CEP170: variants seen among roughly 807,000 people sequenced by gnomAD.
CEP170 encodes centrosomal protein 170.
In CEP170, 21 loss-of-function variants were observed where a neutral mutation model predicts 151.9. The ratio of observed to expected loss-of-function variants is 0.14; its 90% CI spans 0.10 to 0.20. The LOEUF is 0.20. Ranked by LOEUF, CEP170 falls within the 10% of genes least tolerant of loss-of-function variation. The pLI, the probability that CEP170 is intolerant of heterozygous loss-of-function variation, is 1.00. For missense variants in CEP170, 964 were observed against 1,892.9 expected (o/e 0.51, Z 9.11); for synonymous variants, 356 against 648.8 (o/e 0.55, Z 6.86).
At chr1:243,136,692 T>C (rs2055121399) in intron 16 of CEP170, among the ~76,000 whole-genome samples, 1 of 152,278 alleles carries the variant, frequency 6.6e-6, no homozygotes, top group South Asian at 2.1e-4. Context: ...AGATACATTT[T>C]GAAAAATTTA....
At chr1:243,190,482 G>T (rs2060241235) in intron 8 of CEP170, among the ~76,000 whole-genome samples, 1 of 151,828 alleles carries the variant, frequency 6.6e-6, no homozygotes, top group African/African-American at 2.4e-5. Flanking sequence ...TTTAAAACTG[G>T]ATTAATAGAT....
At chr1:243,183,098 T>G (rs1204783988) in intron 10 of CEP170, among the ~76,000 whole-genome samples, 5 of 151,988 alleles carry the variant, frequency 3.3e-5, no homozygotes, top group Non-Finnish European at 7.4e-5. Flanking sequence ...AAAGTCTTGG[T>G]TTTTGTCTGT....
chr1:243,246,841 T>C (rs1180507570), intron 1 of CEP170, among the ~76,000 whole-genome samples: 1 of 152,200 alleles, frequency 6.6e-6, no homozygotes, highest in African/African-American at 2.4e-5. Flanking sequence ...GCATTTTTTA[T>C]CCAAGGAGAA....
Position 243,199,515 on chromosome 1 carries a change from G to C in CEP170, c.497-321C>G, listed in dbSNP as rs1263953293. Among the ~76,000 whole-genome samples, 3 of 152,010 alleles carry C rather than the reference G, an allele frequency of 2.0e-5. No homozygotes were observed. The East Asian group carries it at 5.8e-4, about 29-fold the overall frequency. On this transcript the variant is annotated intron_variant, in intron 6 of 19. Coordinates refer to ENST00000366542, the MANE Select transcript of CEP170 (RefSeq NM_014812.3). ...GCTTGTAACAAATGGCATTTTACTT[G>C]AATTTAGACAGAAAGTGACCTCAGA...
intron 7 of CEP170, among the ~76,000 whole-genome samples, chr1:243,195,877 A>G (rs900638549): frequency 6.6e-6 from 1 of 151,922 alleles, no homozygotes; most frequent in Non-Finnish European, 1.5e-5. Context: ...TCATACTAAC[A>G]TAAGAAAGCA....
In CEP170 at chr1:243,146,166, T is replaced by A. The variant is rs556714113; in HGVS notation, c.3912-3703A>T. ...AAGAATGATATGAATTAGCTTTTAA[T>A]CCTTGTATAAATTATGAACTCGTTT... On this transcript the variant is annotated intron_variant, in intron 14 of 19. Transcript: ENST00000366542. Among the ~76,000 whole-genome samples, 5 of 152,346 alleles carry A rather than the reference T, an allele frequency of 3.3e-5. No individual in the cohort carries two copies. The South Asian group carries it at 8.3e-4, about 25-fold the overall frequency.
At chr1:243,195,709 T>TA (rs764725504) in intron 7 of CEP170, among the ~76,000 whole-genome samples, 1 of 152,116 alleles carries the variant, frequency 6.6e-6, no homozygotes. Flanking sequence ...AAAAATACCT[T>TA]AATTTCAAAA....
chr1:243,180,086 T>C (rs2059524805), intron 10 of CEP170, among the ~76,000 whole-genome samples: 1 of 152,134 alleles, frequency 6.6e-6, no homozygotes, highest in South Asian at 2.1e-4. Flanking sequence ...CATTTAAAAA[T>C]TGCTAAGACG....
chr1:243,184,305 C>T (rs2059806936), intron 10 of CEP170, among the ~76,000 whole-genome samples: 1 of 151,976 alleles, frequency 6.6e-6, no homozygotes, highest in Non-Finnish European at 1.5e-5. Context: ...TATATTTAAT[C>T]CCAGATCTGT....
Position 243,128,346 on chromosome 1 carries a change from G to A in CEP170, c.4414-46C>T, listed in dbSNP as rs1446994310. The A allele has an allele frequency of 2.6e-6, 4 of 1,514,578 alleles. 1 individual carries two copies. The South Asian group carries it at 5.1e-5, about 19-fold the overall frequency. The allele number at this position is 1,514,578 out of a possible 1,614,324, so 93.8% of individuals were successfully genotyped here. A position where few individuals can be genotyped will look rare whatever the true frequency, so the allele number is the denominator to read the frequency against. On this transcript the variant is annotated intron_variant, in intron 18 of 19. Coordinates refer to ENST00000366542, the MANE Select transcript of CEP170 (RefSeq NM_014812.3). ...AAAATTAGCCTACTTTTAGCTAAATGTTATCACTTTACAAGCAATGAATTT... is the reference window on the plus strand; with the variant it reads ...AAAATTAGCCTACTTTTAGCTAAATATTATCACTTTACAAGCAATGAATTT...
intron 16 of CEP170, among the ~76,000 whole-genome samples, chr1:243,138,209 A>G (rs1354345211): frequency 6.6e-6 from 1 of 152,220 alleles, no homozygotes; most frequent in Non-Finnish European, 1.5e-5. Context: ...CTTCTTCCAC[A>G]TAGTTTTTTA....
chr1:243,250,883 C>G (rs1415563747), intron 1 of CEP170, among the ~76,000 whole-genome samples: 1 of 152,180 alleles, frequency 6.6e-6, no homozygotes, highest in Non-Finnish European at 1.5e-5. Context: ...GACAATTTCA[C>G]TGCACTTTGC....
intron 1 of CEP170, among the ~76,000 whole-genome samples, chr1:243,249,418 AAAAT>A (rs74729358): frequency 0.42 from 62,007 of 148,194 alleles, 13,790 homozygotes; most frequent in East Asian, 0.62. Context: ...ACTCTGTCTC[AAAAT>A]AAATAAATAA....
chr1:243,137,051 C>G (rs1365488275), intron 16 of CEP170, among the ~76,000 whole-genome samples: 2 of 152,290 alleles, frequency 1.3e-5, no homozygotes, highest in Non-Finnish European at 2.9e-5. Flanking sequence ...GACATAGGGT[C>G]TCTGCCACAA....
chr1:243,187,820 C>T (rs143374011), intron 8 of CEP170, among the ~76,000 whole-genome samples: 5 of 151,956 alleles, frequency 3.3e-5, no homozygotes, highest in African/African-American at 9.7e-5. Context: ...GAGAGAACTG[C>T]GGAATGCACA....
intron 3 of CEP170, among the ~76,000 whole-genome samples, chr1:243,218,756 CTGT>C (rs956167547): frequency 9.2e-5 from 14 of 152,178 alleles, no homozygotes; most frequent in Non-Finnish European, 5.9e-5. Context: ...TTACTATGTA[CTGT>C]TGTTTAAAAT....
intron 10 of CEP170, among the ~76,000 whole-genome samples, chr1:243,181,001 G>A (rs1429449785): frequency 2.6e-5 from 4 of 152,156 alleles, no homozygotes; most frequent in East Asian, 1.9e-4. Flanking sequence ...AATTTATGAG[G>A]AGAAATATTT....
intron 7 of CEP170, among the ~76,000 whole-genome samples, chr1:243,195,510 AC>A (rs2060586886): frequency 6.6e-6 from 1 of 151,994 alleles, no homozygotes; most frequent in African/African-American, 2.4e-5. Context: ...ATATGAACCC[AC>A]AGAGAGGAAC....
chr1:243,167,910 C>CA (rs35279207), intron 12 of CEP170, among the ~76,000 whole-genome samples: 1 of 151,750 alleles, frequency 6.6e-6, no homozygotes, highest in South Asian at 2.1e-4. Context: ...ATATGCTTAA[C>CA]AAAAACGTTT....
Sources: gnomAD v4.1 joint callset for allele counts (sites outside exome capture counted in the v4.1 genomes callset) on GRCh38, gnomAD v4.1.1 for gene constraint, MANE v1.5 for transcripts, NCBI Gene and HGNC (gene_info 2026-07-23, HGNC 2026-07-21) for gene names.